CEP128: variants seen among roughly 807,000 people sequenced by gnomAD.
CEP128 encodes the protein centrosomal protein 128kDa.
CEP128 carries 132 observed loss-of-function variants against 156.7 expected under a neutral mutation model. The observed-to-expected ratio is 0.84, with a 90% CI of 0.73 to 0.97. CEP128 has a LOEUF of 0.97. CEP128 is among the 50% of genes least tolerant of loss of function. The pLI, the probability that CEP128 is intolerant of heterozygous loss-of-function variation, is 0.00. For missense variants in CEP128, 1,252 were observed against 1,281.9 expected (o/e 0.98, Z 0.36); for synonymous variants, 469 against 448.9 (o/e 1.04, Z -0.57).
chr14:80,958,997 ACT>A (rs1886868674), intron 1 of CEP128, among the ~76,000 whole-genome samples: 1 of 152,104 alleles, frequency 6.6e-6, no homozygotes, highest in South Asian at 2.1e-4. Context: ...GCCGAGAACA[ACT>A]CTTTCTAAAC....
At chr14:80,922,256 G>A (rs1476084643) in intron 2 of CEP128, among the ~76,000 whole-genome samples, 1 of 152,054 alleles carries the variant, frequency 6.6e-6, no homozygotes, top group Non-Finnish European at 1.5e-5. Context: ...CTAGTCCCCT[G>A]GCATCTACCT....
At chr14:80,862,621 G>C (rs1258815244) in intron 9 of CEP128, 136 bp downstream of exon 9, 4 of 664,442 alleles carry the variant, frequency 6.0e-6, no homozygotes, top group Non-Finnish European at 1.1e-5. Context: ...TCTATACACT[G>C]AACTATAACC....
chr14:80,694,179 A>C lies in CEP128; in HGVS notation c.2806+48896T>G, dbSNP rs186525573. Among the ~76,000 whole-genome samples, 10 of 152,370 alleles carry C rather than the reference A, an allele frequency of 6.6e-5. No homozygotes were observed. In the East Asian group the frequency reaches 1.9e-3, roughly 29 times the overall value. ...AAAAAGCTCATCAACACTGGCCATT[A>C]GAGAAATGCAAATCAAAACCACAGT... On this transcript the variant is annotated intron_variant, in intron 19 of 24. Transcript: ENST00000555265.
intron 6 of CEP128, among the ~76,000 whole-genome samples, chr14:80,901,200 C>T (rs962207591): frequency 4.6e-5 from 7 of 151,128 alleles, no homozygotes; most frequent in East Asian, 3.9e-4. Context: ...AGCGAGACTC[C>T]GTCTCAAAAA....
At chr14:80,688,357 T>C (rs965040992) in intron 19 of CEP128, among the ~76,000 whole-genome samples, 9 of 152,154 alleles carry the variant, frequency 5.9e-5, no homozygotes, top group African/African-American at 2.2e-4. Flanking sequence ...CCCTGCTGCA[T>C]TGTCTTCATT....
intron 8 of CEP128, among the ~76,000 whole-genome samples, chr14:80,874,806 G>C (rs1888202715): frequency 6.6e-6 from 1 of 152,112 alleles, no homozygotes; most frequent in Admixed American, 6.5e-5. Flanking sequence ...TTTTAGTAGA[G>C]ACGGGGTTTC....
intron 2 of CEP128, among the ~76,000 whole-genome samples, chr14:80,934,165 C>T (rs1200697526): frequency 6.6e-6 from 1 of 152,210 alleles, no homozygotes; most frequent in Non-Finnish European, 1.5e-5. Context: ...GCTTTCAAGC[C>T]TCCTGTCTTA....
At chr14:80,614,407 A>G (rs949272955) in intron 19 of CEP128, among the ~76,000 whole-genome samples, 1 of 152,098 alleles carries the variant, frequency 6.6e-6, no homozygotes, top group Non-Finnish European at 1.5e-5. Flanking sequence ...AACACTCTCT[A>G]GAAGTCCCTC....
At chr14:80,630,356 C>T (rs1230657718) in intron 19 of CEP128, among the ~76,000 whole-genome samples, 1 of 151,722 alleles carries the variant, frequency 6.6e-6, no homozygotes, top group Non-Finnish European at 1.5e-5. Context: ...TACTTGTTAC[C>T]AAGATTAAGT....
At position 80,836,747 on chromosome 14, in the gene CEP128, T is replaced by C. The variant is rs548048369; in HGVS notation, c.925-410A>G. On this transcript the variant is annotated intron_variant, in intron 11 of 24. Coordinates refer to ENST00000555265, the MANE Select transcript of CEP128 (RefSeq NM_152446.5). ...GATTTAGCATATTTTGATACTAAAA[T>C]CATGCTCAAAATAAGTATGTAATAG... Among the ~76,000 whole-genome samples the C allele has an allele frequency of 5.3e-5, 8 of 152,334 alleles. No homozygotes were observed. The South Asian group carries it at 1.7e-3, about 32-fold the overall frequency.
intron 2 of CEP128, among the ~76,000 whole-genome samples, chr14:80,925,000 G>A (rs973455905): frequency 1.3e-5 from 2 of 152,180 alleles, no homozygotes; most frequent in East Asian, 1.9e-4. Flanking sequence ...ACAAGTTTCT[G>A]GTTTTGGTAG....
chr14:80,575,546 G>A (rs774198740), intron 20 of CEP128, among the ~76,000 whole-genome samples: 5 of 152,146 alleles, frequency 3.3e-5, no homozygotes, highest in South Asian at 2.1e-4. Flanking sequence ...AGAAGGTGGC[G>A]GAAGAGGGAA....
downstream of CEP128, among the ~76,000 whole-genome samples, chr14:80,488,410 A>T (rs1431500234): frequency 6.6e-6 from 1 of 151,288 alleles, no homozygotes; most frequent in Non-Finnish European, 1.5e-5. Flanking sequence ...CCATCAGAGA[A>T]TTGCAAATCA....
At chr14:80,906,964 C>CT (rs1261762778) in intron 4 of CEP128, among the ~76,000 whole-genome samples, 1 of 152,168 alleles carries the variant, frequency 6.6e-6, no homozygotes. Context: ...ATCTATAACT[C>CT]TTTAAGTAGA....
downstream of CEP128, among the ~76,000 whole-genome samples, chr14:80,490,165 G>A (rs1024972916): frequency 1.3e-5 from 2 of 152,096 alleles, no homozygotes; most frequent in South Asian, 2.1e-4. Flanking sequence ...ATCATATGTG[G>A]CTATCAGTTA....
chr14:80,557,593 A>G lies in CEP128; in HGVS notation c.2880+1686T>C, dbSNP rs74927199. Among the ~76,000 whole-genome samples, 525 of 152,334 alleles carry G rather than the reference A, an allele frequency of 3.4e-3. 4 individuals are homozygous for G. Among genetic ancestry groups the G allele is most frequent in the African/African-American group, 0.012 (505 of 41,588 alleles). On this transcript the variant is annotated intron_variant, in intron 21 of 24. Coordinates refer to ENST00000555265, the MANE Select transcript of CEP128 (RefSeq NM_152446.5). ...AGTAAAATATATGTGGAAGAACACT[A>G]AACATTTTATTCACCAACAATGTCA...
chr14:80,492,856 T>C (rs568561205), downstream of CEP128, among the ~76,000 whole-genome samples: 9 of 152,288 alleles, frequency 5.9e-5, no homozygotes, highest in African/African-American at 2.2e-4. Context: ...AAGAAGATTG[T>C]AAGCTAGTGA....
chr14:80,505,084 C>T lies in CEP128; in HGVS notation c.3073-64G>A, dbSNP rs1033207511. On this transcript the variant is annotated intron_variant, in intron 23 of 24. Transcript: ENST00000555265. ...AGGTATGGACCAAGGCTCATTTAAACGTACTGAAGCTGAAATTAAATCTTA... is the reference window on the plus strand; with the variant it reads ...AGGTATGGACCAAGGCTCATTTAAATGTACTGAAGCTGAAATTAAATCTTA... 60 of 634,176 alleles carry T rather than the reference C, an allele frequency of 9.5e-5. 1 individual carries two copies. The highest frequency in any genetic ancestry group is 6.9e-4 in the South Asian group (23 of 33,302). The allele number at this position is 634,176 out of a possible 1,614,324, so 39.3% of individuals were successfully genotyped here.
chr14:80,510,485 T>C (rs1372275247), intron 23 of CEP128, among the ~76,000 whole-genome samples: 2 of 152,156 alleles, frequency 1.3e-5, no homozygotes, highest in Non-Finnish European at 2.9e-5. Context: ...TCAAATTTAC[T>C]GAATTGGTTT....
Sources: gnomAD v4.1 joint callset for allele counts (sites outside exome capture counted in the v4.1 genomes callset) on GRCh38, gnomAD v4.1.1 for gene constraint, MANE v1.5 for transcripts, NCBI Gene and HGNC (gene_info 2026-07-23, HGNC 2026-07-21) for gene names.